SMAP1: variants seen among roughly 807,000 people sequenced by gnomAD.
SMAP1 encodes the protein small ArfGAP 1.
In SMAP1, 24 loss-of-function variants were observed where a neutral mutation model predicts 58.5. The ratio of observed to expected loss-of-function variants is 0.41; its 90% CI spans 0.30 to 0.58. The LOEUF is 0.58. SMAP1 is among the 20% of genes least tolerant of loss of function. SMAP1 has a pLI of 0.29. For synonymous variants in SMAP1, 216 were observed against 196.6 expected (o/e 1.10, Z -0.82); for missense variants, 563 against 566.3 (o/e 0.99, Z 0.06).
chr6:70,770,516 C>G (rs888079781), intron 3 of SMAP1, among the ~76,000 whole-genome samples: 2 of 152,182 alleles, frequency 1.3e-5, no homozygotes, highest in Non-Finnish European at 2.9e-5. Context: ...CCATCACTGA[C>G]ACCCTTTCTT....
At chr6:70,705,702 A>G (rs4706460) in intron 1 of SMAP1, among the ~76,000 whole-genome samples, 21,452 of 152,198 alleles carry the variant, frequency 0.14, 2,859 homozygotes, top group East Asian at 0.55. Context: ...TGGCCTTGTC[A>G]GTAAAAGGGA....
At chr6:70,859,751 GAAAT>G (rs1771621695) in intron 10 of SMAP1, 1 of 179,784 alleles carries the variant, frequency 5.6e-6, no homozygotes, top group South Asian at 1.7e-4. Context: ...ATCAGCGAGA[GAAAT>G]AAATGCTTTA....
chr6:70,714,645 T>C (rs960127735), intron 1 of SMAP1, among the ~76,000 whole-genome samples: 7 of 152,134 alleles, frequency 4.6e-5, no homozygotes, highest in African/African-American at 1.7e-4. Context: ...TAATAAAATA[T>C]TCTTTTTATT....
chr6:70,797,208 T>C (rs2149951154), intron 5 of SMAP1, among the ~76,000 whole-genome samples: 1 of 152,274 alleles, frequency 6.6e-6, no homozygotes, highest in Admixed American at 6.5e-5. Context: ...TCCTTTCCTC[T>C]TTTTAAAATC....
intron 6 of SMAP1, among the ~76,000 whole-genome samples, chr6:70,831,709 A>AC (rs1445304919): frequency 6.6e-6 from 1 of 152,134 alleles, no homozygotes; most frequent in Non-Finnish European, 1.5e-5. Context: ...GCTATTGTGA[A>AC]CAGTGCTGCG....
chr6:70,860,307 G>GACTCTCAGCACACAACT lies in SMAP1; in HGVS notation c.1378_1394dup (p.Trp466LeufsTer52). 2 of 1,613,076 alleles carry GACTCTCAGCACACAACT rather than the reference G, an allele frequency of 1.2e-6. No homozygotes were observed. The highest frequency in any genetic ancestry group is 1.7e-6 in the Non-Finnish European group (2 of 1,179,670). On this transcript the variant is annotated frameshift_variant, in exon 11 of 11. Coordinates refer to ENST00000370455, the MANE Select transcript of SMAP1 (RefSeq NM_001044305.3). LOFTEE classifies it high-confidence loss of function. ...GATGGTCTGGAAGCTCATCAGGTCA[G>GACTCTCAGCACACAACT]ACTCTCAGCACACAACTGTGGAAAT...
chr6:70,764,313 G>T (rs898660680), intron 3 of SMAP1, among the ~76,000 whole-genome samples: 1 of 152,140 alleles, frequency 6.6e-6, no homozygotes, highest in African/African-American at 2.4e-5. Flanking sequence ...TGATGAAGGT[G>T]ACTACACTAA....
At chr6:70,686,207 A>G (rs1199871102) in intron 1 of SMAP1, among the ~76,000 whole-genome samples, 1 of 152,208 alleles carries the variant, frequency 6.6e-6, no homozygotes, top group Non-Finnish European at 1.5e-5. Flanking sequence ...CAGTGCAGTA[A>G]GATTTAAGAA....
At chr6:70,691,764 C>G (rs1767178598) in intron 1 of SMAP1, among the ~76,000 whole-genome samples, 1 of 152,176 alleles carries the variant, frequency 6.6e-6, no homozygotes, top group Admixed American at 6.5e-5. Context: ...CTAGTTCCAT[C>G]CATGTTGTTG....
intron 6 of SMAP1, among the ~76,000 whole-genome samples, chr6:70,801,510 T>G (rs186106259): frequency 1.2e-4 from 19 of 152,330 alleles, no homozygotes; most frequent in African/African-American, 4.3e-4. Flanking sequence ...CAGAAGCTTT[T>G]TAGTTTAATT....
chr6:70,736,774 C>T (rs1055252565), intron 2 of SMAP1, among the ~76,000 whole-genome samples: 1 of 152,204 alleles, frequency 6.6e-6, no homozygotes, highest in African/African-American at 2.4e-5. Context: ...CTGCTGCTTT[C>T]TAGTTTCATT....
At chr6:70,755,135 T>C in intron 3 of SMAP1, 70 bp downstream of exon 3, 2 of 1,213,658 alleles carry the variant, frequency 1.6e-6, no homozygotes, top group Non-Finnish European at 2.4e-6. Context: ...ATATTTTATC[T>C]GTTAGTATTT....
intron 1 of SMAP1, among the ~76,000 whole-genome samples, chr6:70,705,166 A>G (rs1204346339): frequency 6.6e-6 from 1 of 151,854 alleles, no homozygotes; most frequent in Non-Finnish European, 1.5e-5. Context: ...TATCTCATCC[A>G]TCTTTCCAGG....
intron 1 of SMAP1, among the ~76,000 whole-genome samples, chr6:70,718,491 C>A (rs1360742843): frequency 6.6e-6 from 1 of 152,066 alleles, no homozygotes; most frequent in African/African-American, 2.4e-5. Flanking sequence ...CCATCTTGGA[C>A]ATATTTAATT....
intron 1 of SMAP1, among the ~76,000 whole-genome samples, chr6:70,692,151 C>G (rs1767197159): frequency 6.6e-6 from 1 of 152,170 alleles, no homozygotes; most frequent in African/African-American, 2.4e-5. Flanking sequence ...GATGATATCT[C>G]ATTGTAATTT....
At chr6:70,747,620 T>C (rs1438104554) in intron 2 of SMAP1, among the ~76,000 whole-genome samples, 1 of 152,192 alleles carries the variant, frequency 6.6e-6, no homozygotes, top group Admixed American at 6.5e-5. Context: ...ACCAAGACTT[T>C]TGGCAGAAGA....
intron 3 of SMAP1, among the ~76,000 whole-genome samples, chr6:70,764,520 T>A (rs1037273470): frequency 6.6e-6 from 1 of 152,212 alleles, no homozygotes; most frequent in Non-Finnish European, 1.5e-5. Context: ...CTACGGCCCT[T>A]AAGAATTAAG....
At chr6:70,830,715 C>T (rs916326893) in intron 6 of SMAP1, among the ~76,000 whole-genome samples, 1 of 152,158 alleles carries the variant, frequency 6.6e-6, no homozygotes, top group Non-Finnish European at 1.5e-5. Context: ...AAGACATAAT[C>T]CATTACACAT....
In SMAP1 at chr6:70,860,323, C is replaced by T. The variant is rs1260826289; in HGVS notation, c.1393C>T (p.Leu465=). The T allele has an allele frequency of 4.4e-6, 7 of 1,606,854 alleles. No individual in the cohort carries two copies. The highest frequency in any genetic ancestry group is 5.1e-6 in the Non-Finnish European group (6 of 1,178,064). ...ATCAGGTCAGACTCTCAGCACACAA[C>T]TGTGGAAATGAAAACTGCAATACAA... ...SSSGQTLSTQ[L]WK Residue 465 remains leucine, a synonymous_variant, in exon 11 of 11, where the codon CTG becomes TTG. Coordinates refer to ENST00000370455, the MANE Select transcript of SMAP1 (RefSeq NM_001044305.3).
Sources: allele counts gnomAD v4.1 joint callset (sites outside exome capture counted in the v4.1 genomes callset), GRCh38; gene constraint gnomAD v4.1.1; transcripts MANE v1.5; gene names NCBI Gene and HGNC (gene_info 2026-07-23, HGNC 2026-07-21).